The following IL1RAPL1 variants were observed in gnomAD, a reference collection of about 807,000 sequenced individuals.
IL1RAPL1 encodes interleukin-1 receptor accessory protein-like 1.
In IL1RAPL1, 3 loss-of-function variants were observed where a neutral mutation model predicts 48.4. That is an observed-to-expected ratio of 0.06 (90% CI 0.03 to 0.16). The LOEUF is 0.16. Ranked by LOEUF, IL1RAPL1 falls within the 10% of genes least tolerant of loss-of-function variation. IL1RAPL1 has a pLI of 1.00. For synonymous variants in IL1RAPL1, 185 were observed against 187.7 expected, an observed-to-expected ratio of 0.99 and a Z score of 0.12; for missense variants, 349 against 530.6, an observed-to-expected ratio of 0.66 and a Z score of 3.36.
At chrX:29,898,686 C>CGTAA (rs199863966) in intron 6 of IL1RAPL1, among the ~76,000 whole-genome samples, 9,597 of 111,445 alleles carry the variant, frequency 0.086, 432 homozygotes, top group Admixed American at 0.16. Context: ...TGAATGATTC[C>CGTAA]GTAAGTATTT....
chrX:29,189,591 T>C, intron 2 of IL1RAPL1, among the ~76,000 whole-genome samples: 1 of 111,363 alleles, frequency 9.0e-6, no homozygotes, highest in Non-Finnish European at 1.9e-5. Flanking sequence ...TTTGAGAAAT[T>C]AGAATTATTT....
chrX:29,260,236 G>A (rs905590215), intron 2 of IL1RAPL1, among the ~76,000 whole-genome samples: 5 of 112,502 alleles, frequency 4.4e-5, no homozygotes, highest in African/African-American at 1.6e-4. Context: ...GGTTTCAAGA[G>A]CTAACTGAGG....
chrX:28,779,628 GTGTGTGTATATATATA>G (rs1168632360), intron 1 of IL1RAPL1, among the ~76,000 whole-genome samples: 13 of 56,263 alleles, frequency 2.3e-4, no homozygotes, highest in African/African-American at 9.4e-4. Context: ...ATGTGTGTGT[GTGTGTGTATATATATA>G]TATATATATA....
chrX:29,814,072 GGT>G (rs1930438026), intron 6 of IL1RAPL1, among the ~76,000 whole-genome samples: 1 of 111,417 alleles, frequency 9.0e-6, no homozygotes, highest in Non-Finnish European at 1.9e-5. Flanking sequence ...GAGTCTTTTT[GGT>G]AGAATGATTT....
intron 5 of IL1RAPL1, among the ~76,000 whole-genome samples, chrX:29,636,051 T>C (rs1924957157): frequency 9.0e-6 from 1 of 111,320 alleles, no homozygotes; most frequent in South Asian, 3.7e-4. Context: ...CACATTATAA[T>C]GTTAGTCTTA....
At chrX:29,653,469 G>C (rs1485699484) in intron 5 of IL1RAPL1, among the ~76,000 whole-genome samples, 1 of 111,900 alleles carries the variant, frequency 8.9e-6, no homozygotes, top group Non-Finnish European at 1.9e-5. Context: ...TTGTTGCCAA[G>C]TAACTCTTGG....
chrX:29,844,854 T>G (rs1245414529), intron 6 of IL1RAPL1, among the ~76,000 whole-genome samples: 8 of 111,885 alleles, frequency 7.2e-5, no homozygotes, highest in Admixed American at 9.5e-5. Flanking sequence ...AATCTTGAGA[T>G]GAGATTATTC....
chrX:29,805,573 C>CT (rs1434522000), intron 6 of IL1RAPL1, among the ~76,000 whole-genome samples: 7 of 111,593 alleles, frequency 6.3e-5, no homozygotes, highest in Non-Finnish European at 1.1e-4. Context: ...TAGATACTAT[C>CT]TATTAAAATT....
intron 2 of IL1RAPL1, among the ~76,000 whole-genome samples, chrX:28,808,973 T>C (rs2147275005): frequency 9.0e-6 from 1 of 110,869 alleles, no homozygotes; most frequent in Non-Finnish European, 1.9e-5. Context: ...AGGTGTCTTT[T>C]TTTAAAGAAA....
intron 1 of IL1RAPL1, among the ~76,000 whole-genome samples, chrX:28,654,748 A>G (rs1305334763): frequency 1.8e-5 from 2 of 112,071 alleles, no homozygotes; most frequent in Non-Finnish European, 3.8e-5. Context: ...TAGATGTCAC[A>G]AGGACCCTGT....
At chrX:29,644,421 C>T (rs1192424380) in intron 5 of IL1RAPL1, among the ~76,000 whole-genome samples, 2 of 111,971 alleles carry the variant, frequency 1.8e-5, no homozygotes, top group Non-Finnish European at 3.8e-5. Flanking sequence ...TATACATGTC[C>T]CTCATTCGTG....
chrX:29,251,543 T>C (rs1166616054), intron 2 of IL1RAPL1, among the ~76,000 whole-genome samples: 1 of 111,632 alleles, frequency 9.0e-6, no homozygotes, highest in African/African-American at 3.3e-5. Context: ...AGATATAGAT[T>C]ATAATGTTAT....
intron 5 of IL1RAPL1, among the ~76,000 whole-genome samples, chrX:29,488,786 G>A (rs1319628914): frequency 8.9e-6 from 1 of 112,155 alleles, no homozygotes; most frequent in Non-Finnish European, 1.9e-5. Flanking sequence ...AATGCATACT[G>A]TTAACAAAAG....
chrX:29,609,387 A>G (rs1924020348), intron 5 of IL1RAPL1, among the ~76,000 whole-genome samples: 1 of 112,006 alleles, frequency 8.9e-6, no homozygotes, highest in Non-Finnish European at 1.9e-5. Flanking sequence ...TAGCTCCCTT[A>G]TACACAAACT....
At chrX:29,882,793 A>T (rs1932058591) in intron 6 of IL1RAPL1, among the ~76,000 whole-genome samples, 1 of 111,860 alleles carries the variant, frequency 8.9e-6, no homozygotes, top group African/African-American at 3.2e-5. Context: ...TGTGGCATAC[A>T]TTTCAACGTA....
intron 2 of IL1RAPL1, among the ~76,000 whole-genome samples, chrX:28,986,564 A>T (rs1338617688): frequency 8.9e-6 from 1 of 112,205 alleles, no homozygotes; most frequent in Non-Finnish European, 1.9e-5. Context: ...TTTTGGTTGG[A>T]TCATCACAAA....
intron 3 of IL1RAPL1, among the ~76,000 whole-genome samples, chrX:29,304,977 T>A (rs944586605): frequency 8.9e-6 from 1 of 112,242 alleles, no homozygotes; most frequent in Non-Finnish European, 1.9e-5. Context: ...GAAGTACTTA[T>A]GATGTCTGTG....
intron 6 of IL1RAPL1, among the ~76,000 whole-genome samples, chrX:29,910,448 C>T (rs1932744786): frequency 1.8e-5 from 2 of 110,854 alleles, no homozygotes; most frequent in Admixed American, 9.6e-5. Flanking sequence ...TACTGTGAGT[C>T]CCATTGTATA....
At chrX:28,893,843 C>T (rs775998213) in intron 2 of IL1RAPL1, among the ~76,000 whole-genome samples, 1 of 111,576 alleles carries the variant, frequency 9.0e-6, no homozygotes, top group Non-Finnish European at 1.9e-5. Context: ...TTTCCTTGGT[C>T]TAAGAACCAT....
Sources: allele counts gnomAD v4.1 joint callset (sites outside exome capture counted in the v4.1 genomes callset), GRCh38; gene constraint gnomAD v4.1.1; transcripts MANE v1.5; gene names NCBI Gene and HGNC (gene_info 2026-07-23, HGNC 2026-07-21).